USP13: variants seen among roughly 807,000 people sequenced by gnomAD.
USP13 encodes ubiquitin specific peptidase 13, also known as ubiquitin carboxyl-terminal hydrolase 13.
A neutral mutation model predicts 107.8 loss-of-function variants in USP13; 68 were observed. That is an observed-to-expected ratio of 0.63 (90% confidence interval 0.52 to 0.77). The LOEUF (loss-of-function observed/expected upper bound fraction) is 0.77, where lower values mean the gene tolerates loss of function less well. USP13 is among the 30% of genes least tolerant of loss of function. The probability of loss-of-function intolerance (pLI) is 0.00; values close to 1 mark genes in which losing one functional copy is unlikely to be tolerated. For synonymous variants in USP13, 377 were observed against 389.5 expected, an observed-to-expected ratio of 0.97 and a Z score of 0.38; for missense variants, 945 against 1,093.3, an observed-to-expected ratio of 0.86 and a Z score of 1.91.
chr3:179,743,652 G>C (rs9849363), intron 12 of USP13, among the ~76,000 whole-genome samples: 5,221 of 152,084 alleles, frequency 0.034, 294 homozygotes, highest in African/African-American at 0.12. Context: ...TCTCTTGTCC[G>C]CCTCAGGGTT....
chr3:179,704,188 A>T (rs556524315), intron 4 of USP13, among the ~76,000 whole-genome samples: 1 of 152,324 alleles, frequency 6.6e-6, no homozygotes, highest in Non-Finnish European at 1.5e-5. Flanking sequence ...TCAGTGTTTG[A>T]TAGGCCCAGA....
At chr3:179,669,161 A>C (rs571554723) in intron 1 of USP13, among the ~76,000 whole-genome samples, 1 of 152,250 alleles carries the variant, frequency 6.6e-6, no homozygotes, top group South Asian at 2.1e-4. Flanking sequence ...AGTGCGCTCT[A>C]TCCTAAAATT....
chr3:179,767,887 C>T (rs73885943), intron 19 of USP13, among the ~76,000 whole-genome samples: 1,808 of 152,112 alleles, frequency 0.012, 40 homozygotes, highest in African/African-American at 0.042. Flanking sequence ...TAGAAAGAGA[C>T]GGTGGGAGGG....
chr3:179,756,181 T>C (rs1300645415), intron 15 of USP13, among the ~76,000 whole-genome samples: 1 of 152,076 alleles, frequency 6.6e-6, no homozygotes, highest in African/African-American at 2.4e-5. Context: ...TCCCAGCACT[T>C]GGGGAGGCCA....
At position 179,706,923 on chromosome 3, in the gene USP13, T is replaced by A; in HGVS notation, c.478-11T>A. 1 of 1,605,942 alleles carries A rather than the reference T, an allele frequency of 6.2e-7. No homozygotes were observed. Among genetic ancestry groups the A allele is most frequent in the South Asian group, 1.1e-5 (1 of 88,902 alleles). On this transcript the variant is annotated splice_polypyrimidine_tract_variant and intron_variant, in intron 4 of 20. Coordinates refer to ENST00000263966, the MANE Select transcript of USP13 (RefSeq NM_003940.3). The stretch of plus-strand genomic sequence containing the variant: ...CTGTTTTTATATATTACATCTGGGT[T>A]TGTCTTATAGGTAACAATTGCTTGT...
intron 10 of USP13, among the ~76,000 whole-genome samples, chr3:179,734,492 A>G (rs1713917347): frequency 1.3e-5 from 2 of 152,252 alleles, no homozygotes; most frequent in Non-Finnish European, 2.9e-5. Context: ...TCATCTAAAT[A>G]ATCCTCAACA....
rs914819251 is a variant in USP13, at chr3:179,726,312, C to T, written c.1089-3877C>T. Reference sequence around the variant, plus strand: ...GTGGGGATGTTGTGGGCTGGGGGAACACAGTGGCAGATGAGGTCAGAGAAG... The same window carrying T: ...GTGGGGATGTTGTGGGCTGGGGGAATACAGTGGCAGATGAGGTCAGAGAAG... On this transcript the variant is annotated intron_variant, in intron 8 of 20. Coordinates refer to ENST00000263966, the MANE Select transcript of USP13 (RefSeq NM_003940.3). Among the ~76,000 whole-genome samples the T allele has an allele frequency of 3.9e-5, 6 of 152,108 alleles. No homozygotes were observed. The South Asian group carries it at 8.3e-4, about 21-fold the overall frequency.
intron 1 of USP13, among the ~76,000 whole-genome samples, chr3:179,673,217 G>A (rs1056527196): frequency 6.6e-6 from 1 of 152,162 alleles, no homozygotes; most frequent in African/African-American, 2.4e-5. Flanking sequence ...TTAAGTGGAA[G>A]CTGTATTATG....
chr3:179,775,755 TG>T (rs1447460931), intron 19 of USP13, among the ~76,000 whole-genome samples: 1 of 152,212 alleles, frequency 6.6e-6, no homozygotes, highest in East Asian at 1.9e-4. Context: ...GATGCTGGCC[TG>T]GGTGCAAAGC....
In USP13 at chr3:179,653,946, G is replaced by A. The variant is rs1051816407; in HGVS notation, c.168+553G>A. Among the ~76,000 whole-genome samples, 2 of 152,154 alleles carry A rather than the reference G, an allele frequency of 1.3e-5. No individual in the cohort carries two copies. Among genetic ancestry groups the A allele is most frequent in the Admixed American group, 6.5e-5 (1 of 15,274 alleles). ...GTCAGGGCCAGGCGCGGTGGCTCAC[G>A]TCTGAAATCCTAGCACTTTTTAAGA... is the stretch of plus-strand genomic sequence containing the variant. On this transcript the variant is annotated intron_variant, in intron 1 of 20. Coordinates refer to ENST00000263966, the MANE Select transcript of USP13 (RefSeq NM_003940.3). This position sits in a 1 kb window ranked among gnomAD's most constrained non-coding sequence, Gnocchi z 4.0.
chr3:179,655,496 A>C (rs1720223046), intron 1 of USP13, among the ~76,000 whole-genome samples: 1 of 151,402 alleles, frequency 6.6e-6, no homozygotes, highest in African/African-American at 2.4e-5. Context: ...CAGGGGAGGA[A>C]GGGAAGGTTT....
At chr3:179,666,798 C>T (rs1027733102) in intron 1 of USP13, among the ~76,000 whole-genome samples, 7 of 152,172 alleles carry the variant, frequency 4.6e-5, no homozygotes, top group Admixed American at 1.3e-4. Flanking sequence ...ATGTGCTTGC[C>T]GACAGCCGCC....
chr3:179,755,933 G>A (rs536090854), intron 15 of USP13, among the ~76,000 whole-genome samples: 2 of 152,148 alleles, frequency 1.3e-5, no homozygotes, highest in African/African-American at 4.8e-5. Flanking sequence ...GTTCTCTAAC[G>A]CTGGGTCAAA....
intron 1 of USP13, among the ~76,000 whole-genome samples, chr3:179,677,898 G>A (rs1024649215): frequency 2.6e-5 from 4 of 151,970 alleles, no homozygotes; most frequent in African/African-American, 9.7e-5. Flanking sequence ...AAATGATTCA[G>A]ATAATGAGAT....
At chr3:179,690,165 T>C in intron 2 of USP13, 76 bp from the exon 3 acceptor site, 9 of 1,410,306 alleles carry the variant, frequency 6.4e-6, no homozygotes, top group Non-Finnish European at 8.9e-6. Context: ...ACTAGGAACC[T>C]CTGAGATGTG....
intron 1 of USP13, among the ~76,000 whole-genome samples, chr3:179,677,925 T>C (rs1421970724): frequency 1.3e-5 from 2 of 152,204 alleles, no homozygotes; most frequent in Non-Finnish European, 2.9e-5. Context: ...AATTAGCCCA[T>C]AATGTATAAT....
At position 179,721,776 on chromosome 3, in the gene USP13, A is replaced by G. The variant is rs1713329062; in HGVS notation, c.1088+187A>G. On this transcript the variant is annotated intron_variant, in intron 8 of 20. Transcript: ENST00000263966. This position sits in a 1 kb window ranked among gnomAD's most constrained non-coding sequence, Gnocchi z 4.3. ...AAGTATTATGGGGATCAGGTGAGAT[A>G]AGAAGAGCTTTGTGGCCGGGCGCAG... Among the ~76,000 whole-genome samples the G allele has an allele frequency of 6.6e-6, 1 of 152,120 alleles. No individual in the cohort carries two copies. Among genetic ancestry groups the G allele is most frequent in the Non-Finnish European group, 1.5e-5 (1 of 68,012 alleles).
intron 5 of USP13, 31 bp from the exon 6 acceptor site, chr3:179,708,742 C>T (rs770985330): frequency 1.9e-6 from 3 of 1,610,260 alleles, no homozygotes; most frequent in African/African-American, 1.3e-5. Flanking sequence ...TATGCCCTGG[C>T]TGTTCTGACT....
intron 6 of USP13, among the ~76,000 whole-genome samples, chr3:179,719,530 G>C (rs1337210991): frequency 6.6e-6 from 1 of 152,106 alleles, no homozygotes; most frequent in African/African-American, 2.4e-5. Context: ...TTCCCCCGGA[G>C]GTCCCCCCTG....
Sources: gnomAD v4.1 joint callset for allele counts (sites outside exome capture counted in the v4.1 genomes callset) on GRCh38, gnomAD v4.1.1 for gene constraint, Gnocchi (gnomAD v3.1) non-coding constraint, MANE v1.5 for transcripts, NCBI Gene and HGNC (gene_info 2026-07-23, HGNC 2026-07-21) for gene names.